Variants in PLXDC2 observed in about 807,000 individuals in gnomAD.
PLXDC2 encodes plexin domain containing 2.
PLXDC2 carries 40 observed loss-of-function variants against 68.9 expected under a neutral mutation model. The ratio of observed to expected loss-of-function variants is 0.58; its 90% CI spans 0.45 to 0.76. The LOEUF (loss-of-function observed/expected upper bound fraction) is 0.76. Among genes scored for constraint, PLXDC2 ranks in the 30% least tolerant of loss-of-function variants. The pLI, the probability that PLXDC2 is intolerant of heterozygous loss-of-function variation, is 0.00. For synonymous variants in PLXDC2, 243 were observed against 234.2 expected (o/e 1.04, Z -0.34); for missense variants, 644 against 661.9 (o/e 0.97, Z 0.30).
At chr10:20,029,019 T>C (rs138948048) in intron 2 of PLXDC2, among the ~76,000 whole-genome samples, 1 of 152,320 alleles carries the variant, frequency 6.6e-6, no homozygotes, top group African/African-American at 2.4e-5. Flanking sequence ...AGAGTTTCTG[T>C]ATTACCTCTA....
intron 2 of PLXDC2, among the ~76,000 whole-genome samples, chr10:20,038,983 A>G (rs767297422): frequency 3.3e-5 from 5 of 152,160 alleles, no homozygotes; most frequent in Non-Finnish European, 7.3e-5. Context: ...TACTTCTGGC[A>G]AAAGAGGGAA....
intron 4 of PLXDC2, among the ~76,000 whole-genome samples, chr10:20,086,160 G>C (rs1387188830): frequency 6.6e-6 from 1 of 151,864 alleles, no homozygotes; most frequent in Non-Finnish European, 1.5e-5. Context: ...TATTTAAAGA[G>C]AGCTAGTGCT....
chr10:20,144,786 A>G (rs1834051506), intron 5 of PLXDC2, among the ~76,000 whole-genome samples: 1 of 152,196 alleles, frequency 6.6e-6, no homozygotes. Context: ...AAACTCCGAC[A>G]TTCACTAGGT....
At chr10:19,822,030 C>T (rs1243753960) in intron 1 of PLXDC2, among the ~76,000 whole-genome samples, 49 of 151,734 alleles carry the variant, frequency 3.2e-4, no homozygotes, top group African/African-American at 1.7e-4. Flanking sequence ...TTTGTATTTC[C>T]GTGTCTGAAT....
At chr10:20,181,824 T>C (rs966718047) in intron 9 of PLXDC2, among the ~76,000 whole-genome samples, 4 of 152,030 alleles carry the variant, frequency 2.6e-5, no homozygotes, top group Non-Finnish European at 5.9e-5. Context: ...TTATAACTTA[T>C]GCGAAGAAGG....
intron 6 of PLXDC2, among the ~76,000 whole-genome samples, chr10:20,159,023 T>A (rs572427759): frequency 6.6e-6 from 1 of 152,282 alleles, no homozygotes; most frequent in South Asian, 2.1e-4. Context: ...TAATATTTAA[T>A]CAGGACAAAA....
chr10:19,822,231 C>T (rs1486494528), intron 1 of PLXDC2, among the ~76,000 whole-genome samples: 1 of 148,442 alleles, frequency 6.7e-6, no homozygotes, highest in Non-Finnish European at 1.5e-5. Context: ...ACTACATATG[C>T]AATATATAAT....
At chr10:20,248,923 A>G (rs1390598192) in intron 13 of PLXDC2, among the ~76,000 whole-genome samples, 1 of 152,222 alleles carries the variant, frequency 6.6e-6, no homozygotes, top group Non-Finnish European at 1.5e-5. Context: ...AAGTGATACC[A>G]TTCTTTGTAG....
chr10:20,255,185 G>GTGGA (rs146079612), intron 13 of PLXDC2, among the ~76,000 whole-genome samples: 7 of 146,858 alleles, frequency 4.8e-5, no homozygotes, highest in Admixed American at 1.4e-4. Context: ...GGGTGGATAG[G>GTGGA]TGGATGGATA....
intron 1 of PLXDC2, among the ~76,000 whole-genome samples, chr10:19,861,713 T>A (rs913187843): frequency 6.6e-6 from 1 of 152,212 alleles, no homozygotes; most frequent in African/African-American, 2.4e-5. Flanking sequence ...ATGTCCAGTC[T>A]TTTTGACCTT....
intron 4 of PLXDC2, among the ~76,000 whole-genome samples, chr10:20,135,188 C>T (rs1228330592): frequency 6.6e-6 from 1 of 152,154 alleles, no homozygotes; most frequent in Non-Finnish European, 1.5e-5. Flanking sequence ...ATTACTCTAC[C>T]TGCACGATTA....
intron 12 of PLXDC2, among the ~76,000 whole-genome samples, chr10:20,221,243 A>G (rs759194411): frequency 1.4e-4 from 21 of 152,162 alleles, no homozygotes; most frequent in Admixed American, 3.9e-4. Context: ...CAATGAAAAT[A>G]CTTAGTTTTG....
chr10:19,848,279 A>G (rs1837050819), intron 1 of PLXDC2, among the ~76,000 whole-genome samples: 1 of 152,204 alleles, frequency 6.6e-6, no homozygotes, highest in Non-Finnish European at 1.5e-5. Context: ...TCCTTATGGA[A>G]TGGATCCTTT....
intron 4 of PLXDC2, among the ~76,000 whole-genome samples, chr10:20,106,309 T>A (rs972915320): frequency 6.6e-6 from 1 of 152,172 alleles, no homozygotes; most frequent in Non-Finnish European, 1.5e-5. Context: ...GCCCTGAAGC[T>A]CCTTGATTTT....
intron 4 of PLXDC2, among the ~76,000 whole-genome samples, chr10:20,127,312 A>G (rs987225894): frequency 3.3e-5 from 5 of 152,192 alleles, no homozygotes; most frequent in African/African-American, 4.8e-5. Flanking sequence ...AAATTCAGAG[A>G]TGAGATCTTT....
At chr10:20,144,545 T>C (rs891593770) in intron 5 of PLXDC2, among the ~76,000 whole-genome samples, 1 of 152,176 alleles carries the variant, frequency 6.6e-6, no homozygotes, top group African/African-American at 2.4e-5. Context: ...GCAATAATGA[T>C]TCATCTCTGT....
intron 4 of PLXDC2, among the ~76,000 whole-genome samples, chr10:20,098,355 GTA>G (rs1169738709): frequency 4.2e-4 from 52 of 124,868 alleles, no homozygotes; most frequent in African/African-American, 9.0e-4. Flanking sequence ...GCGTGTGTGT[GTA>G]TGTGTGTGTG....
chr10:20,175,645 A>G (rs932835411), intron 7 of PLXDC2, among the ~76,000 whole-genome samples: 1 of 152,216 alleles, frequency 6.6e-6, no homozygotes, highest in African/African-American at 2.4e-5. Context: ...CATGGGCAAC[A>G]TAACCAGACC....
At chr10:20,042,946 G>A (rs1169885610) in intron 2 of PLXDC2, among the ~76,000 whole-genome samples, 2 of 152,148 alleles carry the variant, frequency 1.3e-5, no homozygotes, top group Non-Finnish European at 2.9e-5. Context: ...TTGGCAACTA[G>A]GCATATCACA....
Sources: allele counts gnomAD v4.1 joint callset (sites outside exome capture counted in the v4.1 genomes callset), GRCh38; gene constraint gnomAD v4.1.1; transcripts MANE v1.5; gene names NCBI Gene and HGNC (gene_info 2026-07-23, HGNC 2026-07-21).